Variants in CFAP69 observed in about 807,000 individuals in gnomAD.
The protein encoded by CFAP69 is cilia and flagella associated protein 69.
In CFAP69, 92 loss-of-function variants were observed where a neutral mutation model predicts 123.0. The ratio of observed to expected loss-of-function variants is 0.75; its 90% CI spans 0.63 to 0.89. CFAP69 has a LOEUF of 0.89. Among genes scored for constraint, CFAP69 ranks in the 40% least tolerant of loss-of-function variants. CFAP69 has a pLI of 0.00. For synonymous variants in CFAP69, 380 were observed against 364.3 expected (o/e 1.04, Z -0.49); for missense variants, 1,067 against 1,096.9 (o/e 0.97, Z 0.39).
chr7:90,315,833 C>T (rs1192962311), downstream of CFAP69, among the ~76,000 whole-genome samples: 1 of 152,182 alleles, frequency 6.6e-6, no homozygotes, highest in Non-Finnish European at 1.5e-5. Context: ...TGGCTTACGC[C>T]TGTAATCCCA....
chr7:90,300,486 TAG>T (rs1385915353), intron 17 of CFAP69: 15 of 766,586 alleles, frequency 2.0e-5, no homozygotes, highest in Non-Finnish European at 2.4e-5. Context: ...TTAATGTTTA[TAG>T]AGTTTACTTT....
chr7:90,278,509 T>C (rs944960950), intron 11 of CFAP69, among the ~76,000 whole-genome samples: 1 of 152,146 alleles, frequency 6.6e-6, no homozygotes, highest in African/African-American at 2.4e-5. Flanking sequence ...AATTATTCCA[T>C]AAAGTATGGT....
chr7:90,266,396 T>C (rs1799170028), intron 5 of CFAP69, among the ~76,000 whole-genome samples: 1 of 152,084 alleles, frequency 6.6e-6, no homozygotes, highest in South Asian at 2.1e-4. Flanking sequence ...AATTTTTAAT[T>C]ATGTGAATCT....
At chr7:90,297,262 G>T (rs1792127292) in intron 15 of CFAP69, among the ~76,000 whole-genome samples, 1 of 152,124 alleles carries the variant, frequency 6.6e-6, no homozygotes, top group African/African-American at 2.4e-5. Context: ...GAATTCCAAA[G>T]GGAGGAAGTT....
intron 1 of CFAP69, among the ~76,000 whole-genome samples, chr7:90,246,833 G>A (rs1292390040): frequency 2.0e-5 from 3 of 149,854 alleles, no homozygotes; most frequent in Non-Finnish European, 4.4e-5. Flanking sequence ...TTTTTTTTTA[G>A]GGAAAAATAC....
chr7:90,269,418 T>G (rs1250689769), intron 6 of CFAP69, among the ~76,000 whole-genome samples: 1 of 151,956 alleles, frequency 6.6e-6, no homozygotes, highest in Admixed American at 6.6e-5. Context: ...TTGGAAAAAA[T>G]GATTCAAAGA....
At position 90,310,160 on chromosome 7, in the gene CFAP69, G is replaced by A. The variant is rs771405472; in HGVS notation, c.2748G>A (p.Leu916=). Residue 916 remains leucine, a synonymous_variant, in exon 23 of 23, where the codon CTG becomes CTA. Transcript: ENST00000389297. ...ATACGGATATTGCTCTTAAAAAACT[G>A]CCCATTCGAGGAGGAGCCTTGCAGA... ...LVDTDIALKK[L]PIRGGALQRV... The A allele has an allele frequency of 6.2e-7, 1 of 1,613,934 alleles. No individual in the cohort carries two copies. The highest frequency in any genetic ancestry group is 8.5e-7 in the Non-Finnish European group (1 of 1,179,910).
In CFAP69 at chr7:90,245,518, G is replaced by T; in HGVS notation, c.94G>T (p.Val32Leu). 1 of 1,525,416 alleles carries T rather than the reference G, an allele frequency of 6.6e-7. No individual in the cohort carries two copies. Among genetic ancestry groups the T allele is most frequent in the South Asian group, 1.3e-5 (1 of 79,910 alleles). 94.5% of individuals were successfully genotyped at this position (1,525,416 alleles called of 1,614,324 possible). A position where few individuals can be genotyped will look rare whatever the true frequency, so the allele number is the denominator to read the frequency against. ...TTCCAGTCAAATCCCGGTGGTTGGG[G>T]TGGTGACGGAGGACGATGAGGCGCA... ...SSSSQIPVVGVVTEDDEAQDV... is the reference protein window; with the variant it reads ...SSSSQIPVVGLVTEDDEAQDV... Residue 32 changes from valine (V) to leucine (L), a missense_variant, in exon 1 of 23, where the codon GTG (valine) becomes TTG (leucine). Coordinates refer to ENST00000389297, the MANE Select transcript of CFAP69 (RefSeq NM_001039706.3).
chr7:90,265,155 T>G (rs1010937551), intron 4 of CFAP69, 146 bp from the exon 5 acceptor site: 83 of 509,626 alleles, frequency 1.6e-4, no homozygotes, highest in Non-Finnish European at 3.8e-5. Flanking sequence ...CAACTGGTAG[T>G]TAATAATTGT....
chr7:90,309,123 G>T, intron 21 of CFAP69, 140 bp from the exon 22 acceptor site: 1 of 447,624 alleles, frequency 2.2e-6, no homozygotes, highest in Non-Finnish European at 4.0e-6. Flanking sequence ...TAGTCTAAAT[G>T]AGTAAATGCA....
chr7:90,255,498 G>A lies in CFAP69; in HGVS notation c.180+16G>A. 6.3e-7 allele frequency: 1 copy of A among 1,595,168 alleles called. No homozygotes were observed. Among genetic ancestry groups the A allele is most frequent in the African/African-American group, 1.3e-5 (1 of 74,670 alleles). ...GACTGATAAAGTGAGTAAGCTTTGA[G>A]AGAAAATTACTCCGCTGCATTACTT... is the stretch of plus-strand genomic sequence containing the variant. On this transcript the variant is annotated intron_variant, in intron 2 of 22. Coordinates refer to ENST00000389297, the MANE Select transcript of CFAP69 (RefSeq NM_001039706.3).
chr7:90,257,595 T>A (rs1278176330), intron 2 of CFAP69, among the ~76,000 whole-genome samples: 1 of 152,232 alleles, frequency 6.6e-6, no homozygotes, highest in Non-Finnish European at 1.5e-5. Context: ...GAACAACTTT[T>A]TTAGCTTCCA....
chr7:90,271,908 A>T lies in CFAP69; in HGVS notation c.810A>T (p.Lys270Asn). The change falls in exon 8 of 23, where the codon AAA (lysine) becomes AAT (asparagine). Residue 270 changes from lysine to asparagine, a missense_variant. Physicochemically the swap from Lys to Asn is moderately conservative, Grantham distance 94. Transcript: ENST00000389297. ...SSEILWNLLEKSSKEEVIQQL... is the reference protein window; with the variant it reads ...SSEILWNLLENSSKEEVIQQL... ...AAATACTTTGGAACTTGCTGGAAAA[A>T]TCTTCAAAAGAAGAAGTCATACAAC... is the stretch of plus-strand genomic sequence containing the variant. The T allele has an allele frequency of 6.2e-7, 1 of 1,613,224 alleles. No individual in the cohort carries two copies. The highest frequency in any genetic ancestry group is 1.1e-5 in the South Asian group (1 of 90,914).
chr7:90,262,166 C>T, intron 4 of CFAP69, 110 bp downstream of exon 4: 1 of 630,594 alleles, frequency 1.6e-6, no homozygotes, highest in East Asian at 3.5e-5. Context: ...CTACAGAACT[C>T]AGAAAACTTC....
intron 15 of CFAP69, among the ~76,000 whole-genome samples, chr7:90,296,943 C>G (rs1429578337): frequency 6.6e-6 from 1 of 152,122 alleles, no homozygotes; most frequent in African/African-American, 2.4e-5. Flanking sequence ...GTAAATGTCT[C>G]TTATCAGACC....
rs1171745729 is a variant in CFAP69, at chr7:90,279,686, G to C, written c.1165G>C (p.Asp389His). The change falls in exon 12 of 23, where the codon GAT becomes CAT. Residue 389 changes from aspartate (D) to histidine (H), a missense_variant. By Grantham distance (81) the Asp-to-His change is moderately conservative. Coordinates refer to ENST00000389297, the MANE Select transcript of CFAP69 (RefSeq NM_001039706.3). The part of the protein sequence containing the change: ...KDLPTVQLLI[D>H]GKVILALFTY... ...TTGTTCTTTCTCACAGCTATTAATT[G>C]ATGGCAAAGTTATTTTGGCTTTGTT... 1.3e-6 allele frequency: 2 copies of C among 1,598,380 alleles called. No homozygotes were observed. Among genetic ancestry groups the C allele is most frequent in the African/African-American group, 2.7e-5 (2 of 74,242 alleles).
chr7:90,310,456 A>G lies in CFAP69; in HGVS notation c.*218A>G, dbSNP rs557590510. The G allele has an allele frequency of 7.2e-6, 2 of 276,162 alleles. No individual in the cohort carries two copies. The highest frequency in any genetic ancestry group is 2.2e-5 in the African/African-American group (1 of 44,906). The allele number at this position is 276,162 out of a possible 1,614,324, so 17.1% of individuals were successfully genotyped here. On this transcript the variant is annotated 3_prime_UTR_variant, in exon 23 of 23. Transcript: ENST00000389297. ...ATCAGTTTCTTTGGAAAGGCTACCA[A>G]TTTTACTAAGTGAAATTGTAAAACA...
chr7:90,322,551 C>T, the CFAP69 span: 1 of 152,228 alleles, frequency 6.6e-6, no homozygotes, highest in Non-Finnish European at 1.5e-5. Flanking sequence ...TTAATGTTGG[C>T]TTCCTTCTAA....
chr7:90,282,332 G>A (rs1008582127), intron 12 of CFAP69, among the ~76,000 whole-genome samples: 19 of 152,250 alleles, frequency 1.2e-4, no homozygotes, highest in Non-Finnish European at 2.2e-4. Flanking sequence ...CTGGGCAACA[G>A]AGCAAGACCC....
Sources: gnomAD v4.1 joint callset for allele counts (sites outside exome capture counted in the v4.1 genomes callset) on GRCh38, gnomAD v4.1.1 for gene constraint, MANE v1.5 for transcripts, NCBI Gene and HGNC (gene_info 2026-07-23, HGNC 2026-07-21) for gene names.